Variants in STX7 observed in about 807,000 individuals in gnomAD.
The protein encoded by STX7 is syntaxin-7.
In STX7, 34 loss-of-function variants were observed where a neutral mutation model predicts 39.6. The observed-to-expected ratio is 0.86, with a 90% CI of 0.65 to 1.14. The LOEUF (loss-of-function observed/expected upper bound fraction) is 1.14, where lower values mean the gene tolerates loss of function less well. Among genes scored for constraint, STX7 ranks in the 50% most tolerant of loss-of-function variants. The probability of loss-of-function intolerance (pLI) is 0.00; values close to 1 mark genes in which losing one functional copy is unlikely to be tolerated. For missense variants in STX7, 284 were observed against 310.4 expected (o/e 0.92, Z 0.64); for synonymous variants, 119 against 99.1 (o/e 1.20, Z -1.19).
chr6:132,488,109 T>C (rs895707666), intron 2 of STX7, among the ~76,000 whole-genome samples: 1 of 152,240 alleles, frequency 6.6e-6, no homozygotes, highest in Non-Finnish European at 1.5e-5. Flanking sequence ...TTCAGAATAT[T>C]TTCCAATTCC....
In STX7 at chr6:132,509,445, G is replaced by A. The variant is rs1170473788; in HGVS notation, c.-59+3562C>T. Among the ~76,000 whole-genome samples the A allele has an allele frequency of 4.5e-5, 6 of 133,660 alleles. 1 individual carries two copies. Among genetic ancestry groups the A allele is most frequent in the Admixed American group, 1.5e-4 (2 of 13,002 alleles). The allele number at this position is 133,660 out of a possible 152,430, so 87.7% of individuals were successfully genotyped here. A position where few individuals can be genotyped will look rare whatever the true frequency, so the allele number is the denominator to read the frequency against. ...CCAGCCCGGCGACAGAGCGAGACTCGTCTCAAAATAACATAACATAACATA... is the reference window on the plus strand; with the variant it reads ...CCAGCCCGGCGACAGAGCGAGACTCATCTCAAAATAACATAACATAACATA... On this transcript the variant is annotated intron_variant, in intron 1 of 9. Coordinates refer to ENST00000367941, the MANE Select transcript of STX7 (RefSeq NM_003569.3).
intron 2 of STX7, among the ~76,000 whole-genome samples, chr6:132,491,345 G>A (rs536596755): frequency 6.6e-6 from 1 of 151,314 alleles, no homozygotes; most frequent in African/African-American, 2.4e-5. Context: ...GAGATGGCCA[G>A]ATAACATGCA....
chr6:132,493,847 A>T (rs1283993076), intron 2 of STX7, among the ~76,000 whole-genome samples: 1 of 152,208 alleles, frequency 6.6e-6, no homozygotes, highest in Non-Finnish European at 1.5e-5. Context: ...TTCAGCACCA[A>T]ATCAACCAAA....
At chr6:132,467,652 G>C (rs1275578380) in intron 8 of STX7, among the ~76,000 whole-genome samples, 1 of 152,138 alleles carries the variant, frequency 6.6e-6, no homozygotes, top group Non-Finnish European at 1.5e-5. Flanking sequence ...TTTACCCTGT[G>C]ATCTACTGGG....
rs754435997 is a variant in STX7 at position 132,455,067 on chromosome 6, T to C, written c.*5691A>G. On this transcript the variant is annotated 3_prime_UTR_variant, in exon 10 of 10. Transcript: ENST00000367941. ...AAATAAAATATATTCCCCATTAAAA[T>C]CTTGCTTATTTTTAGAATCATTACT... 1.3e-5 allele frequency: 2 copies of C among 152,132 alleles called. No individual in the cohort carries two copies. The highest frequency in any genetic ancestry group is 2.9e-5 in the Non-Finnish European group (2 of 68,002). The allele number at this position is 152,132 out of a possible 1,614,324, so 9.4% of individuals were successfully genotyped here.
intron 1 of STX7, among the ~76,000 whole-genome samples, chr6:132,507,696 G>C (rs187376628): frequency 6.6e-6 from 1 of 151,966 alleles, no homozygotes; most frequent in Non-Finnish European, 1.5e-5. Context: ...AATATTCCAA[G>C]GTATGGAGAA....
At chr6:132,473,345 G>T (rs117059684) in intron 3 of STX7, among the ~76,000 whole-genome samples, 1 of 152,016 alleles carries the variant, frequency 6.6e-6, no homozygotes, top group Admixed American at 6.6e-5. Flanking sequence ...ACCAAAATCC[G>T]CTGATGCTCA....
chr6:132,494,016 T>C (rs766076889), intron 2 of STX7, among the ~76,000 whole-genome samples: 27 of 152,188 alleles, frequency 1.8e-4, no homozygotes, highest in South Asian at 6.2e-4. Context: ...TAAATAAATG[T>C]AGTATCAAAA....
rs183122204 is a variant in STX7 at position 132,473,843 on chromosome 6, T to C, written c.156-1468A>G. ...TCTGTATTTGACTGACAAAGGGTAATTAAAATCTATTTCTATCTCTATTTA... is the reference window on the plus strand; with the variant it reads ...TCTGTATTTGACTGACAAAGGGTAACTAAAATCTATTTCTATCTCTATTTA... On this transcript the variant is annotated intron_variant, in intron 3 of 9. Transcript: ENST00000367941. 2.7e-3 allele frequency among the ~76,000 whole-genome samples: 404 copies of C among 152,224 alleles called. 2 individuals are homozygous for C. The highest frequency in any genetic ancestry group is 9.4e-3 in the African/African-American group (391 of 41,534).
chr6:132,482,882 G>T (rs906211831), intron 2 of STX7, among the ~76,000 whole-genome samples: 4 of 151,892 alleles, frequency 2.6e-5, no homozygotes, highest in African/African-American at 9.7e-5. Context: ...CTACACCAGG[G>T]TCAACAAATT....
At chr6:132,464,524 A>G (rs1342861254) in intron 8 of STX7, among the ~76,000 whole-genome samples, 1 of 150,282 alleles carries the variant, frequency 6.7e-6, no homozygotes, top group Non-Finnish European at 1.5e-5. Context: ...TGACTTTTCA[A>G]AGAATATTAT....
intron 9 of STX7, chr6:132,461,597 A>C (rs1184642818): frequency 9.0e-6 from 4 of 444,210 alleles, no homozygotes; most frequent in Non-Finnish European, 1.6e-5. Context: ...GGCGTGAGCC[A>C]CCACGCCCAG....
In STX7 at chr6:132,456,767, A is replaced by G. The variant is rs913535928; in HGVS notation, c.*3991T>C. On this transcript the variant is annotated 3_prime_UTR_variant, in exon 10 of 10. Coordinates refer to ENST00000367941, the MANE Select transcript of STX7 (RefSeq NM_003569.3). ...ACATCTCAGTGTTTGTTTCACAATT[A>G]TGCTAGACTGTCAACTCACTTCTCT... is the stretch of plus-strand genomic sequence containing the variant. 2.0e-5 allele frequency: 3 copies of G among 152,178 alleles called. No homozygotes were observed. Among genetic ancestry groups the G allele is most frequent in the Non-Finnish European group, 4.4e-5 (3 of 68,038 alleles). The allele number at this position is 152,178 out of a possible 1,614,324, so 9.4% of individuals were successfully genotyped here. A position where few individuals can be genotyped will look rare whatever the true frequency, so the allele number is the denominator to read the frequency against.
intron 1 of STX7, among the ~76,000 whole-genome samples, chr6:132,509,481 ACATAACAT>A (rs1775790862): frequency 8.8e-6 from 1 of 114,204 alleles, no homozygotes; most frequent in Admixed American, 8.5e-5. Context: ...ACATAACATA[ACATAACAT>A]AACATAACAT....
At chr6:132,506,706 A>G (rs560539293) in intron 1 of STX7, among the ~76,000 whole-genome samples, 1 of 152,292 alleles carries the variant, frequency 6.6e-6, no homozygotes, top group African/African-American at 2.4e-5. Flanking sequence ...AAGTAGTACA[A>G]CCTCTACAGA....
In STX7 at chr6:132,453,648, G is replaced by T. The variant is rs761722855; in HGVS notation, c.*7110C>A. On this transcript the variant is annotated 3_prime_UTR_variant, in exon 10 of 10. Transcript: ENST00000367941. ...ACATGTCACTAAAGAAGAGATACAG[G>T]TGGCAAATAAGCATATGAAACAAAG... 6.6e-6 allele frequency: 1 copy of T among 151,850 alleles called. No homozygotes were observed. The highest frequency in any genetic ancestry group is 1.5e-5 in the Non-Finnish European group (1 of 67,926). 9.4% of individuals were successfully genotyped at this position (151,850 alleles called of 1,614,324 possible).
intron 5 of STX7, 36 bp downstream of exon 5, chr6:132,471,427 C>A: frequency 6.3e-7 from 1 of 1,593,178 alleles, no homozygotes; most frequent in Non-Finnish European, 8.5e-7. Flanking sequence ...AGCAAGTAAC[C>A]ATGTTCATTT....
intron 8 of STX7, 35 bp downstream of exon 8, chr6:132,468,368 C>G: frequency 8.6e-6 from 13 of 1,518,754 alleles, no homozygotes; most frequent in Non-Finnish European, 1.2e-5. Context: ...ATGTAGCTTG[C>G]TCTCACCTCC....
chr6:132,447,299 T>C lies in STX7; in HGVS notation c.*13459A>G, dbSNP rs911956047. ...TCCAGAGAGGCTTGAAATAAAACAG[T>C]TGACTTTATGTAGATTATGGTTAAT... On this transcript the variant is annotated 3_prime_UTR_variant, in exon 10 of 10. Transcript: ENST00000367941. 9 of 152,172 alleles carry C rather than the reference T, an allele frequency of 5.9e-5. No homozygotes were observed. The highest frequency in any genetic ancestry group is 2.2e-4 in the African/African-American group (9 of 41,444). 9.4% of individuals were successfully genotyped at this position (152,172 alleles called of 1,614,324 possible). A position where few individuals can be genotyped will look rare whatever the true frequency, so the allele number is the denominator to read the frequency against.
Sources: allele counts gnomAD v4.1 joint callset (sites outside exome capture counted in the v4.1 genomes callset), GRCh38; gene constraint gnomAD v4.1.1; transcripts MANE v1.5; gene names NCBI Gene and HGNC (gene_info 2026-07-23, HGNC 2026-07-21).